The following WHRN variants were observed in gnomAD, a reference collection of about 807,000 sequenced individuals.
The protein encoded by WHRN is whirlin, also known as CASK-interacting protein CIP98.
In WHRN, 41 loss-of-function variants were observed where a neutral mutation model predicts 68.3. The observed-to-expected ratio is 0.60, with a 90% CI of 0.47 to 0.78. WHRN has a LOEUF of 0.78. Ranked by LOEUF, WHRN falls within the 30% of genes least tolerant of loss-of-function variation. The pLI, the probability that WHRN is intolerant of heterozygous loss-of-function variation, is 0.00. For synonymous variants in WHRN, 560 were observed against 561.3 expected (o/e 1.00, Z 0.03); for missense variants, 1,243 against 1,244.7 (o/e 1.00, Z 0.02).
intron 1 of WHRN, among the ~76,000 whole-genome samples, chr9:114,499,319 G>A (rs4979415): frequency 0.12 from 18,753 of 152,078 alleles, 1,526 homozygotes; most frequent in East Asian, 0.36. Context: ...CCCCTACCCT[G>A]GGGCATGATT....
intron 3 of WHRN, among the ~76,000 whole-genome samples, chr9:114,440,775 C>T (rs1050286100): frequency 6.6e-6 from 1 of 152,188 alleles, no homozygotes. Context: ...GTGTGCCGCT[C>T]ATCATCTCTG....
intron 7 of WHRN, among the ~76,000 whole-genome samples, chr9:114,414,327 T>C (rs1293256465): frequency 6.6e-6 from 1 of 152,250 alleles, no homozygotes; most frequent in Admixed American, 6.5e-5. Flanking sequence ...TACGTTGTGT[T>C]TTCATATTCT....
chr9:114,489,996 TG>T (rs1156587740), intron 1 of WHRN, among the ~76,000 whole-genome samples: 2 of 152,196 alleles, frequency 1.3e-5, no homozygotes, highest in Non-Finnish European at 2.9e-5. Context: ...GGCAATGGTG[TG>T]GTAAGAATTC....
chr9:114,407,272 G>A (rs1801289661), intron 8 of WHRN, among the ~76,000 whole-genome samples: 1 of 152,210 alleles, frequency 6.6e-6, no homozygotes, highest in Non-Finnish European at 1.5e-5. Flanking sequence ...CTAGAGGCAA[G>A]AGGTATGAAA....
At chr9:114,461,400 T>C (rs946396680) in intron 3 of WHRN, among the ~76,000 whole-genome samples, 1 of 152,254 alleles carries the variant, frequency 6.6e-6, no homozygotes, top group African/African-American at 2.4e-5. Flanking sequence ...CTGTTAGCTA[T>C]GTGGTTTTGC....
At chr9:114,438,660 C>A (rs904810105) in intron 3 of WHRN, among the ~76,000 whole-genome samples, 1 of 151,982 alleles carries the variant, frequency 6.6e-6, no homozygotes. Flanking sequence ...CACCTGTTAG[C>A]CAGGATGGTC....
At chr9:114,494,625 C>A (rs533056067) in intron 1 of WHRN, among the ~76,000 whole-genome samples, 3 of 152,174 alleles carry the variant, frequency 2.0e-5, no homozygotes, top group Non-Finnish European at 4.4e-5. Context: ...AAAGACGCAA[C>A]CCCTCAAGTC....
At chr9:114,426,678 G>A (rs929938514) in intron 3 of WHRN, among the ~76,000 whole-genome samples, 5 of 152,198 alleles carry the variant, frequency 3.3e-5, no homozygotes, top group Admixed American at 2.6e-4. Flanking sequence ...GTGGGTCTAC[G>A]ATGACATTCC....
intron 3 of WHRN, among the ~76,000 whole-genome samples, chr9:114,448,279 G>T (rs1480425906): frequency 6.6e-6 from 1 of 152,126 alleles, no homozygotes; most frequent in African/African-American, 2.4e-5. Context: ...GAAGACAGGG[G>T]CAGAGACTAG....
intron 3 of WHRN, among the ~76,000 whole-genome samples, chr9:114,445,931 T>A (rs937925894): frequency 2.0e-5 from 3 of 152,212 alleles, no homozygotes; most frequent in African/African-American, 7.2e-5. Flanking sequence ...AATTATAATT[T>A]AGCCCCAAGA....
chr9:114,425,134 G>T, intron 4 of WHRN, 110 bp from the exon 5 acceptor site: 1 of 1,136,854 alleles, frequency 8.8e-7, no homozygotes, highest in Non-Finnish European at 1.3e-6. Context: ...AGAGAACCAT[G>T]CATCGTGGCC....
At chr9:114,503,319 G>T in intron 1 of WHRN, 2 of 497,196 alleles carry the variant, frequency 4.0e-6, no homozygotes, top group Non-Finnish European at 5.2e-6. Context: ...TTCACTTCTT[G>T]TACGCAAAGG....
chr9:114,425,848 C>T (rs971676758), intron 4 of WHRN: 2 of 363,208 alleles, frequency 5.5e-6, no homozygotes, highest in African/African-American at 2.1e-5. Flanking sequence ...CCAAATACAC[C>T]CCAAAGCATC....
At chr9:114,424,205 T>A in intron 6 of WHRN, 129 bp downstream of exon 6, 1 of 1,108,888 alleles carries the variant, frequency 9.0e-7, no homozygotes, top group Non-Finnish European at 1.4e-6. Context: ...GCTGCCTCAG[T>A]CCCAGGTCTC....
At chr9:114,438,190 G>A (rs1838034208) in intron 3 of WHRN, among the ~76,000 whole-genome samples, 1 of 152,106 alleles carries the variant, frequency 6.6e-6, no homozygotes, top group Non-Finnish European at 1.5e-5. Context: ...AGTCGAGACT[G>A]TGCCACAGCA....
intron 7 of WHRN, among the ~76,000 whole-genome samples, chr9:114,421,906 T>C (rs1429956970): frequency 2.0e-5 from 3 of 152,024 alleles, no homozygotes; most frequent in Non-Finnish European, 4.4e-5. Flanking sequence ...ATGAGCACCC[T>C]TGGAAATGAT....
intron 11 of WHRN, 81 bp from the exon 12 acceptor site, chr9:114,403,017 C>T (rs1834782779): frequency 3.2e-6 from 5 of 1,546,606 alleles, no homozygotes; most frequent in Non-Finnish European, 4.4e-6. Context: ...TCAGTCCCAA[C>T]ACTGCCAAGC....
intron 3 of WHRN, among the ~76,000 whole-genome samples, chr9:114,429,839 G>C (rs1837252027): frequency 6.6e-6 from 1 of 152,188 alleles, no homozygotes; most frequent in Non-Finnish European, 1.5e-5. Flanking sequence ...AGGCCTTACT[G>C]AGAGTGGAGG....
In WHRN at chr9:114,478,765, T is replaced by C; in HGVS notation, c.625A>G (p.Lys209Glu). The change falls in exon 2 of 12, where the codon AAG (lysine) becomes GAG (glutamate). Residue 209 changes from lysine to glutamate, a missense_variant. Transcript: ENST00000362057. ...VTHAEAVKAL[K>E]GSKKLVLSVY... is the part of the protein sequence containing the mutation. ...GACAGCACCAGCTTCTTGGAGCCCT[T>C]CAGAGCCTAGGGAGAGAGGGATACA... is the stretch of plus-strand genomic sequence containing the variant. The C allele has an allele frequency of 6.2e-7, 1 of 1,611,270 alleles. No homozygotes were observed. Among genetic ancestry groups the C allele is most frequent in the South Asian group, 1.1e-5 (1 of 90,844 alleles).
Sources: gnomAD v4.1 joint callset for allele counts (sites outside exome capture counted in the v4.1 genomes callset) on GRCh38, gnomAD v4.1.1 for gene constraint, MANE v1.5 for transcripts, NCBI Gene and HGNC (gene_info 2026-07-23, HGNC 2026-07-21) for gene names.